The following HMBOX1 variants were observed in gnomAD, a reference collection of about 807,000 sequenced individuals.
HMBOX1 encodes the protein homeobox-containing protein 1.
Under a neutral mutation model 54.5 loss-of-function variants are expected in HMBOX1, and 14 were observed. That is an observed-to-expected ratio of 0.26 (90% CI 0.17 to 0.40). HMBOX1 has a LOEUF of 0.40. Ranked by LOEUF, HMBOX1 falls within the 10% of genes least tolerant of loss-of-function variation. The probability of loss-of-function intolerance (pLI) is 1.00; values close to 1 mark genes in which losing one functional copy is unlikely to be tolerated. For synonymous variants in HMBOX1, 160 were observed against 181.0 expected, an observed-to-expected ratio of 0.88 and a Z score of 0.93; for missense variants, 332 against 514.4, an observed-to-expected ratio of 0.65 and a Z score of 3.43.
At chr8:29,025,677 A>G (rs538570794) in intron 6 of HMBOX1, among the ~76,000 whole-genome samples, 1 of 152,298 alleles carries the variant, frequency 6.6e-6, no homozygotes, top group Non-Finnish European at 1.5e-5. Context: ...GGAGTCATCA[A>G]TATATTAGGT....
At chr8:29,010,465 G>T (rs901115644) in intron 5 of HMBOX1, among the ~76,000 whole-genome samples, 1 of 151,976 alleles carries the variant, frequency 6.6e-6, no homozygotes, top group African/African-American at 2.4e-5. Context: ...TTAAGGCAGA[G>T]AAATTGCTTT....
intron 1 of HMBOX1, among the ~76,000 whole-genome samples, chr8:28,900,267 A>ATATATATAGATATATATATAT (rs1243910972): frequency 1.8e-5 from 1 of 54,508 alleles, no homozygotes; most frequent in Non-Finnish European, 4.3e-5. Flanking sequence ...AAAAAAAAAA[A>ATATATATAGATATATATATAT]AAAAATATAT....
At chr8:28,954,472 C>T (rs1273261993) in intron 1 of HMBOX1, among the ~76,000 whole-genome samples, 1 of 152,154 alleles carries the variant, frequency 6.6e-6, no homozygotes, top group African/African-American at 2.4e-5. Flanking sequence ...GCCTTACATT[C>T]TTCTTAATAC....
At chr8:28,920,111 T>G (rs1817294418) in intron 1 of HMBOX1, among the ~76,000 whole-genome samples, 1 of 152,176 alleles carries the variant, frequency 6.6e-6, no homozygotes, top group South Asian at 2.1e-4. Flanking sequence ...TCTTCCAAGA[T>G]TTTACATCAA....
chr8:29,041,914 G>A (rs181401765), intron 6 of HMBOX1, among the ~76,000 whole-genome samples: 3 of 152,248 alleles, frequency 2.0e-5, no homozygotes, highest in African/African-American at 7.2e-5. Context: ...ATCAGGCATT[G>A]GAGGGGGTAC....
chr8:29,045,307 T>G, intron 6 of HMBOX1, 54 bp from the exon 7 acceptor site: 16 of 1,333,056 alleles, frequency 1.2e-5, no homozygotes, highest in Admixed American at 1.7e-5. Flanking sequence ...AGTGTTTTAA[T>G]GAGAGTATGT....
At chr8:29,037,099 G>C (rs560555237) in intron 6 of HMBOX1, among the ~76,000 whole-genome samples, 1 of 152,240 alleles carries the variant, frequency 6.6e-6, no homozygotes, top group Admixed American at 6.5e-5. Flanking sequence ...ATGCTGCAAA[G>C]TCATGAAAAC....
At chr8:28,991,274 T>A (rs187271974) in intron 4 of HMBOX1, among the ~76,000 whole-genome samples, 20 of 152,360 alleles carry the variant, frequency 1.3e-4, no homozygotes, top group African/African-American at 4.6e-4. Flanking sequence ...ATTTTACTCA[T>A]GGCAGGAATA....
chr8:29,020,624 T>C (rs1381657800), intron 6 of HMBOX1, among the ~76,000 whole-genome samples: 1 of 152,240 alleles, frequency 6.6e-6, no homozygotes, highest in African/African-American at 2.4e-5. Flanking sequence ...TTATGTTACC[T>C]GGCACAACTA....
At chr8:28,912,333 T>C (rs757070217) in intron 1 of HMBOX1, among the ~76,000 whole-genome samples, 4 of 152,180 alleles carry the variant, frequency 2.6e-5, no homozygotes, top group Admixed American at 6.5e-5. Context: ...CTCCATCTTA[T>C]TAGTATTGAA....
chr8:28,934,756 T>G (rs1252514227), intron 1 of HMBOX1, among the ~76,000 whole-genome samples: 1 of 151,730 alleles, frequency 6.6e-6, no homozygotes, highest in Non-Finnish European at 1.5e-5. Context: ...AAACCCCATC[T>G]CTACTAAAAA....
intron 9 of HMBOX1, among the ~76,000 whole-genome samples, chr8:29,049,928 T>C (rs1043149021): frequency 1.3e-5 from 2 of 152,222 alleles, no homozygotes; most frequent in Non-Finnish European, 1.5e-5. Context: ...ACCACACACC[T>C]AGAATGCATG....
At chr8:29,018,630 C>G in intron 5 of HMBOX1, 130 bp from the exon 6 acceptor site, 1 of 852,482 alleles carries the variant, frequency 1.2e-6, no homozygotes, top group Non-Finnish European at 1.7e-6. Flanking sequence ...AGAAATTTTT[C>G]AGAGAAAGAT....
intron 5 of HMBOX1, among the ~76,000 whole-genome samples, chr8:29,013,728 T>C (rs1834550186): frequency 6.6e-6 from 1 of 152,182 alleles, no homozygotes; most frequent in African/African-American, 2.4e-5. Context: ...ATACCTATTT[T>C]TTAAAAAAAA....
At chr8:28,958,174 C>T (rs1285191121) in intron 1 of HMBOX1, among the ~76,000 whole-genome samples, 1 of 151,916 alleles carries the variant, frequency 6.6e-6, no homozygotes, top group African/African-American at 2.4e-5. Context: ...GCTATATTGC[C>T]CAGGATAGTC....
At chr8:28,965,263 A>G (rs1826242238) in intron 2 of HMBOX1, among the ~76,000 whole-genome samples, 1 of 152,138 alleles carries the variant, frequency 6.6e-6, no homozygotes, top group Admixed American at 6.5e-5. Context: ...TCCACACCTA[A>G]CTTATATCTC....
intron 1 of HMBOX1, among the ~76,000 whole-genome samples, chr8:28,929,911 C>T (rs1235015924): frequency 1.3e-5 from 2 of 151,998 alleles, no homozygotes; most frequent in Non-Finnish European, 2.9e-5. Flanking sequence ...AATTTCAGAA[C>T]GTTTCTAACA....
chr8:28,955,638 C>A (rs6985217), intron 1 of HMBOX1, among the ~76,000 whole-genome samples: 1 of 151,922 alleles, frequency 6.6e-6, no homozygotes, highest in African/African-American at 2.4e-5. Flanking sequence ...CTGTGTTGAT[C>A]GAAACAACTC....
chr8:28,900,272 AT>A (rs1480010826), intron 1 of HMBOX1, among the ~76,000 whole-genome samples: 375 of 33,406 alleles, frequency 0.011, 2 homozygotes, highest in African/African-American at 0.021. Flanking sequence ...AAAAAAAAAA[AT>A]ATATATATAT....
Sources: gnomAD v4.1 joint callset for allele counts (sites outside exome capture counted in the v4.1 genomes callset) on GRCh38, gnomAD v4.1.1 for gene constraint, MANE v1.5 for transcripts, NCBI Gene and HGNC (gene_info 2026-07-23, HGNC 2026-07-21) for gene names.